Variants in RALYL observed in about 807,000 individuals in gnomAD.
The protein encoded by RALYL is RNA-binding Raly-like protein.
RALYL carries 29 observed loss-of-function variants against 35.1 expected under a neutral mutation model. That is an observed-to-expected ratio of 0.83 (90% CI 0.61 to 1.13). The LOEUF (loss-of-function observed/expected upper bound fraction) is 1.13. RALYL is among the 50% of genes most tolerant of loss of function. The pLI is 0.00. For synonymous variants in RALYL, 120 were observed against 127.6 expected (o/e 0.94, Z 0.40); for missense variants, 359 against 360.4 (o/e 1.00, Z 0.03).
At chr8:84,579,577 G>T (rs575619198) in intron 2 of RALYL, among the ~76,000 whole-genome samples, 1 of 152,320 alleles carries the variant, frequency 6.6e-6, no homozygotes, top group South Asian at 2.1e-4. Flanking sequence ...GGCATCAGCA[G>T]TACCATCAGC....
chr8:84,423,645 C>G (rs969117180), intron 1 of RALYL, among the ~76,000 whole-genome samples: 1 of 151,860 alleles, frequency 6.6e-6, no homozygotes, highest in East Asian at 1.9e-4. Flanking sequence ...TTCCTAGTCT[C>G]GATGGTCTTT....
chr8:84,454,257 T>A (rs142454888), intron 1 of RALYL, among the ~76,000 whole-genome samples: 50 of 152,048 alleles, frequency 3.3e-4, no homozygotes, highest in Non-Finnish European at 6.5e-4. Flanking sequence ...ATGGGGGAAG[T>A]GGTGACTAGC....
At chr8:84,494,129 C>T (rs574040174) in intron 1 of RALYL, among the ~76,000 whole-genome samples, 1 of 152,184 alleles carries the variant, frequency 6.6e-6, no homozygotes, top group East Asian at 1.9e-4. Flanking sequence ...TATGGCTAGC[C>T]AGTTTTCCCA....
At chr8:84,469,604 C>T (rs1276256194) in intron 1 of RALYL, among the ~76,000 whole-genome samples, 1 of 152,070 alleles carries the variant, frequency 6.6e-6, no homozygotes, top group Non-Finnish European at 1.5e-5. Flanking sequence ...TTGTTTGTGC[C>T]CTGCCCCCAG....
At chr8:84,866,766 G>A (rs1282910019) in intron 6 of RALYL, among the ~76,000 whole-genome samples, 2 of 152,076 alleles carry the variant, frequency 1.3e-5, no homozygotes, top group African/African-American at 4.8e-5. Context: ...TTACTGCTAG[G>A]AATGTCAGTT....
intron 1 of RALYL, among the ~76,000 whole-genome samples, chr8:84,463,875 C>T (rs72679338): frequency 0.012 from 1,879 of 151,972 alleles, 20 homozygotes; most frequent in Middle Eastern, 0.024. Flanking sequence ...TGCCATCACC[C>T]CATATATTTC....
chr8:84,648,552 C>T (rs1044507249), intron 2 of RALYL, among the ~76,000 whole-genome samples: 9 of 151,862 alleles, frequency 5.9e-5, no homozygotes, highest in Non-Finnish European at 1.2e-4. Context: ...ATTTTTCACA[C>T]GGGTGAACTA....
At chr8:84,870,380 C>G (rs1839981583) in intron 6 of RALYL, among the ~76,000 whole-genome samples, 1 of 151,634 alleles carries the variant, frequency 6.6e-6, no homozygotes, top group African/African-American at 2.4e-5. Context: ...GCCTCAGCCT[C>G]CCAAGTAGCT....
chr8:84,598,467 A>G (rs968757856), intron 2 of RALYL, among the ~76,000 whole-genome samples: 5 of 152,116 alleles, frequency 3.3e-5, no homozygotes, highest in Admixed American at 1.3e-4. Flanking sequence ...TACATACCAC[A>G]TTATTTTATG....
intron 1 of RALYL, among the ~76,000 whole-genome samples, chr8:84,482,184 C>T (rs2054117229): frequency 6.6e-6 from 1 of 151,834 alleles, no homozygotes; most frequent in Non-Finnish European, 1.5e-5. Context: ...TGAGTAGAAC[C>T]ACATTGTTGA....
intron 1 of RALYL, among the ~76,000 whole-genome samples, chr8:84,347,769 G>C (rs1850108647): frequency 6.6e-6 from 1 of 152,062 alleles, no homozygotes. Flanking sequence ...AAAAACTCCA[G>C]CCTCTGCACA....
chr8:84,603,968 T>C (rs1355541837), intron 2 of RALYL, among the ~76,000 whole-genome samples: 1 of 152,112 alleles, frequency 6.6e-6, no homozygotes, highest in Non-Finnish European at 1.5e-5. Context: ...TCTGACAATT[T>C]CTATTCACTT....
At chr8:84,413,105 T>A (rs1403241351) in intron 1 of RALYL, among the ~76,000 whole-genome samples, 1 of 149,510 alleles carries the variant, frequency 6.7e-6, no homozygotes, top group Admixed American at 6.6e-5. Flanking sequence ...TATTACTAAT[T>A]AAAAACTATA....
At chr8:84,666,419 C>T (rs1588879287) in intron 2 of RALYL, among the ~76,000 whole-genome samples, 1 of 151,898 alleles carries the variant, frequency 6.6e-6, no homozygotes, top group East Asian at 1.9e-4. Context: ...AGGCTCTGCA[C>T]TAGAATCTGC....
At chr8:84,280,431 A>G (rs1585893306) in intron 1 of RALYL, among the ~76,000 whole-genome samples, 1 of 152,128 alleles carries the variant, frequency 6.6e-6, no homozygotes, top group South Asian at 2.1e-4. Context: ...CTTTCCTAAA[A>G]CGACTAAATA....
chr8:84,469,038 C>A (rs1443045980), intron 1 of RALYL, among the ~76,000 whole-genome samples: 1 of 151,958 alleles, frequency 6.6e-6, no homozygotes, highest in Admixed American at 6.5e-5. Flanking sequence ...TCTAGTTATA[C>A]ATTCTTCTAA....
intron 2 of RALYL, among the ~76,000 whole-genome samples, chr8:84,536,477 A>G (rs1415506225): frequency 6.6e-6 from 1 of 152,204 alleles, no homozygotes; most frequent in East Asian, 1.9e-4. Context: ...CTCCAGCTTC[A>G]AATTAGATGG....
At chr8:84,825,466 G>T (rs1297735186) in intron 4 of RALYL, among the ~76,000 whole-genome samples, 1 of 152,034 alleles carries the variant, frequency 6.6e-6, no homozygotes. Flanking sequence ...AAAATATAAC[G>T]ACTATTCAAC....
At chr8:84,711,477 G>A (rs1363748868) in intron 2 of RALYL, among the ~76,000 whole-genome samples, 1 of 152,046 alleles carries the variant, frequency 6.6e-6, no homozygotes, top group East Asian at 1.9e-4. Context: ...TGTTTGACCA[G>A]GAATATTTTC....
Sources: gnomAD v4.1 joint callset for allele counts (sites outside exome capture counted in the v4.1 genomes callset) on GRCh38, gnomAD v4.1.1 for gene constraint, MANE v1.5 for transcripts, NCBI Gene and HGNC (gene_info 2026-07-23, HGNC 2026-07-21) for gene names.